CNTNAP2: variants seen among roughly 807,000 people sequenced by gnomAD.
CNTNAP2 encodes contactin associated protein 2.
In CNTNAP2, 98 loss-of-function variants were observed where a neutral mutation model predicts 155.2. The ratio of observed to expected loss-of-function variants is 0.63; its 90% CI spans 0.54 to 0.75. The LOEUF (loss-of-function observed/expected upper bound fraction) is 0.75, where lower values mean the gene tolerates loss of function less well. Among genes scored for constraint, CNTNAP2 ranks in the 30% least tolerant of loss-of-function variants. The pLI is 0.00. For synonymous variants in CNTNAP2, 651 were observed against 631.2 expected, an observed-to-expected ratio of 1.03 and a Z score of -0.47; for missense variants, 1,727 against 1,688.1, an observed-to-expected ratio of 1.02 and a Z score of -0.40.
At chr7:146,474,137 T>C (rs1483485256) in intron 1 of CNTNAP2, among the ~76,000 whole-genome samples, 1 of 152,126 alleles carries the variant, frequency 6.6e-6, no homozygotes, top group Non-Finnish European at 1.5e-5. Flanking sequence ...GCTAAATCAA[T>C]ATTTCTGCAC....
intron 3 of CNTNAP2, among the ~76,000 whole-genome samples, chr7:146,969,373 T>G (rs1797732444): frequency 6.6e-6 from 1 of 152,136 alleles, no homozygotes; most frequent in African/African-American, 2.4e-5. Flanking sequence ...CCTTGTTAAC[T>G]TTCTGTCTTG....
At chr7:147,128,570 A>T in intron 6 of CNTNAP2, 123 bp from the exon 7 acceptor site, 1 of 1,061,080 alleles carries the variant, frequency 9.4e-7, no homozygotes, top group Non-Finnish European at 1.4e-6. Context: ...TTGGAGGCAG[A>T]ATGCTATAAT....
In CNTNAP2 at chr7:148,115,321, T is replaced by C. The variant is rs917714195; in HGVS notation, c.2384-2797T>C. The stretch of plus-strand genomic sequence containing the variant: ...TTTAGCTTTCCTTTTTCTAGAATCA[T>C]TTTAGACAACTGCCCTTCTGTTAAT... On this transcript the variant is annotated intron_variant, in intron 15 of 23. Coordinates refer to ENST00000361727, the MANE Select transcript of CNTNAP2 (RefSeq NM_014141.6). Among the ~76,000 whole-genome samples the C allele has an allele frequency of 6.6e-5, 10 of 152,232 alleles. No individual in the cohort carries two copies. The East Asian group carries it at 1.9e-3, about 29-fold the overall frequency.
chr7:146,798,638 C>T (rs1008154705), intron 2 of CNTNAP2, among the ~76,000 whole-genome samples: 5 of 152,152 alleles, frequency 3.3e-5, no homozygotes, highest in Admixed American at 3.3e-4. Flanking sequence ...AGCCACTGTG[C>T]CTGGCCCATA....
chr7:147,019,978 T>C (rs1328427677), intron 3 of CNTNAP2, among the ~76,000 whole-genome samples: 2 of 150,860 alleles, frequency 1.3e-5, no homozygotes, highest in Non-Finnish European at 3.0e-5. Context: ...ATTAAGACAA[T>C]GGAGTAGTAT....
At chr7:148,241,542 AG>A (rs1247722009) in intron 20 of CNTNAP2, among the ~76,000 whole-genome samples, 1 of 152,222 alleles carries the variant, frequency 6.6e-6, no homozygotes, top group African/African-American at 2.4e-5. Flanking sequence ...AGCACAGAAA[AG>A]TAGGGGAATG....
intron 14 of CNTNAP2, among the ~76,000 whole-genome samples, chr7:147,940,902 C>T (rs182018379): frequency 4.6e-5 from 7 of 152,322 alleles, no homozygotes; most frequent in Admixed American, 2.6e-4. Context: ...TAAGTCCAAA[C>T]AATAGTTTCA....
intron 12 of CNTNAP2, among the ~76,000 whole-genome samples, chr7:147,569,245 T>G (rs1800235727): frequency 6.6e-6 from 1 of 152,156 alleles, no homozygotes; most frequent in African/African-American, 2.4e-5. Flanking sequence ...TAGTATCGTA[T>G]TTAGTATTAT....
chr7:147,259,675 T>C (rs1427552727), intron 8 of CNTNAP2, among the ~76,000 whole-genome samples: 1 of 152,144 alleles, frequency 6.6e-6, no homozygotes, highest in Non-Finnish European at 1.5e-5. Flanking sequence ...CTTAAAAAGG[T>C]TTCAGTGAAA....
intron 1 of CNTNAP2, among the ~76,000 whole-genome samples, chr7:146,673,563 C>A (rs1369949772): frequency 6.6e-6 from 1 of 152,148 alleles, no homozygotes; most frequent in Non-Finnish European, 1.5e-5. Flanking sequence ...CAAGTCTCAT[C>A]CCATTACGAC....
chr7:147,652,745 A>G (rs1795466794), intron 13 of CNTNAP2, among the ~76,000 whole-genome samples: 1 of 152,142 alleles, frequency 6.6e-6, no homozygotes. Flanking sequence ...AGGAAAGAGA[A>G]AGAAAGGAAG....
intron 13 of CNTNAP2, among the ~76,000 whole-genome samples, chr7:147,830,665 C>T (rs1438452780): frequency 6.6e-6 from 1 of 152,104 alleles, no homozygotes; most frequent in Non-Finnish European, 1.5e-5. Flanking sequence ...CATGGAAAGA[C>T]CATATAATGG....
chr7:147,051,630 A>G (rs1799475551), intron 4 of CNTNAP2, among the ~76,000 whole-genome samples: 2 of 152,142 alleles, frequency 1.3e-5, no homozygotes, highest in Admixed American at 1.3e-4. Context: ...AGAGGTAAGA[A>G]CATAATTTAT....
chr7:147,981,786 G>GGTATGTGTGTGTGTGT (rs1483366188), intron 15 of CNTNAP2, among the ~76,000 whole-genome samples: 49 of 143,732 alleles, frequency 3.4e-4, no homozygotes, highest in African/African-American at 1.1e-3. Flanking sequence ...TGTCCTTACA[G>GGTATGTGTGTGTGTGT]GTGTGTGTGT....
At chr7:148,084,006 A>T (rs1361714933) in intron 15 of CNTNAP2, among the ~76,000 whole-genome samples, 1 of 152,190 alleles carries the variant, frequency 6.6e-6, no homozygotes, top group Non-Finnish European at 1.5e-5. Flanking sequence ...AGTATCACAG[A>T]TCCGTCTGTT....
chr7:146,726,591 C>G (rs866274032), intron 1 of CNTNAP2, among the ~76,000 whole-genome samples: 8 of 152,112 alleles, frequency 5.3e-5, no homozygotes, highest in African/African-American at 1.9e-4. Context: ...GCATGAAAAT[C>G]TAAATTTTCT....
At chr7:146,910,447 C>G (rs1345076286) in intron 3 of CNTNAP2, among the ~76,000 whole-genome samples, 2 of 148,660 alleles carry the variant, frequency 1.3e-5, no homozygotes, top group East Asian at 1.9e-4. Flanking sequence ...GTACTGGTAC[C>G]AAAACAGAGA....
chr7:147,220,714 T>A (rs564870684), intron 8 of CNTNAP2, among the ~76,000 whole-genome samples: 1 of 152,262 alleles, frequency 6.6e-6, no homozygotes, highest in African/African-American at 2.4e-5. Context: ...ACACTTCTTT[T>A]TTTTTATTTT....
intron 3 of CNTNAP2, among the ~76,000 whole-genome samples, chr7:146,870,593 A>G (rs982632197): frequency 6.6e-6 from 1 of 152,156 alleles, no homozygotes; most frequent in Non-Finnish European, 1.5e-5. Context: ...TTATAATCAA[A>G]TATATGTTTT....
Sources: allele counts gnomAD v4.1 joint callset (sites outside exome capture counted in the v4.1 genomes callset), GRCh38; gene constraint gnomAD v4.1.1; transcripts MANE v1.5; gene names NCBI Gene and HGNC (gene_info 2026-07-23, HGNC 2026-07-21).